The following ITGAV variants were observed in gnomAD, a reference collection of about 807,000 sequenced individuals.
The protein encoded by ITGAV is integrin subunit alpha V.
In ITGAV, 76 loss-of-function variants were observed where a neutral mutation model predicts 143.8. The ratio of observed to expected loss-of-function variants is 0.53; its 90% CI spans 0.44 to 0.64. The LOEUF is 0.64. Among genes scored for constraint, ITGAV ranks in the 30% least tolerant of loss-of-function variants. ITGAV has a pLI of 0.00. For missense variants in ITGAV, 1,193 were observed against 1,274.7 expected (o/e 0.94, Z 0.98); for synonymous variants, 453 against 446.7 (o/e 1.01, Z -0.18).
At chr2:186,645,733 C>T (rs1366728234) in intron 12 of ITGAV, among the ~76,000 whole-genome samples, 7 of 151,862 alleles carry the variant, frequency 4.6e-5, no homozygotes, top group Admixed American at 6.6e-5. Flanking sequence ...TTTGGGAGGC[C>T]GAGGTGTGTG....
chr2:186,614,928 TAG>T (rs1376701698), intron 2 of ITGAV, among the ~76,000 whole-genome samples: 3 of 152,070 alleles, frequency 2.0e-5, no homozygotes, highest in African/African-American at 2.4e-5. Context: ...ACTATATTTA[TAG>T]AGTTTTGTAA....
chr2:186,602,238 A>G (rs1686930482), intron 2 of ITGAV, 87 bp downstream of exon 2: 3 of 1,028,880 alleles, frequency 2.9e-6, no homozygotes, highest in South Asian at 1.7e-5. Flanking sequence ...GCCATTTAAT[A>G]CAATTATATA....
Position 186,677,317 on chromosome 2 carries a change from T to C in ITGAV, c.*25T>C. On this transcript the variant is annotated 3_prime_UTR_variant, in exon 30 of 30. Coordinates refer to ENST00000261023, the MANE Select transcript of ITGAV (RefSeq NM_002210.5). ...ACTGCAGTTTTTAAGTTATGCTACA[T>C]CTTGACCCACTAGAATTAGCAACTT... 6.5e-7 allele frequency: 1 copy of C among 1,549,594 alleles called. No individual in the cohort carries two copies. The highest frequency in any genetic ancestry group is 1.7e-5 in the Admixed American group (1 of 59,026).
chr2:186,602,614 C>G lies in ITGAV; in HGVS notation c.316+463C>G, dbSNP rs568903144. 2.0e-5 allele frequency among the ~76,000 whole-genome samples: 3 copies of G among 152,328 alleles called. No homozygotes were observed. In the East Asian group the frequency reaches 5.8e-4, roughly 29 times the overall value. ...GTTGAGGAGGCTGGGCATAGTGGCT[C>G]ACGCCTGTAATCCCAGCACTTTGGG... On this transcript the variant is annotated intron_variant, in intron 2 of 29. Transcript: ENST00000261023.
intron 2 of ITGAV, among the ~76,000 whole-genome samples, chr2:186,607,243 T>C (rs536948293): frequency 6.6e-6 from 1 of 152,310 alleles, no homozygotes; most frequent in South Asian, 2.1e-4. Flanking sequence ...CCTGTCCTCA[T>C]GTTTTTAATA....
chr2:186,593,293 G>A (rs1376019300), intron 1 of ITGAV, among the ~76,000 whole-genome samples: 1 of 152,056 alleles, frequency 6.6e-6, no homozygotes, highest in Admixed American at 6.6e-5. Flanking sequence ...ATAGTTCATA[G>A]TTTTGTTGTG....
intron 14 of ITGAV, among the ~76,000 whole-genome samples, chr2:186,651,649 C>A (rs61762247): frequency 0.015 from 2,330 of 152,134 alleles, 30 homozygotes; most frequent in Middle Eastern, 0.024. Context: ...ATTTTCTCCA[C>A]GGTAGTGCAG....
intron 15 of ITGAV, among the ~76,000 whole-genome samples, chr2:186,653,216 T>C (rs1174924868): frequency 6.6e-6 from 1 of 152,070 alleles, no homozygotes; most frequent in Non-Finnish European, 1.5e-5. Flanking sequence ...AAGTGCTCAT[T>C]ATAGATATTT....
intron 2 of ITGAV, 137 bp downstream of exon 2, chr2:186,602,288 CA>C: frequency 1.7e-6 from 1 of 602,212 alleles, no homozygotes; most frequent in Non-Finnish European, 2.7e-6. Flanking sequence ...TATATAAAGA[CA>C]AACGATTTAT....
intron 1 of ITGAV, among the ~76,000 whole-genome samples, chr2:186,592,939 A>C (rs1686654933): frequency 6.6e-6 from 1 of 152,140 alleles, no homozygotes; most frequent in African/African-American, 2.4e-5. Flanking sequence ...ATTTAACAAA[A>C]ATTTATGTAA....
At chr2:186,604,678 G>A (rs1262267450) in intron 2 of ITGAV, among the ~76,000 whole-genome samples, 1 of 152,120 alleles carries the variant, frequency 6.6e-6, no homozygotes, top group Non-Finnish European at 1.5e-5. Flanking sequence ...GGAGGAGATA[G>A]TATCTGTTAT....
At chr2:186,637,675 T>G (rs1347861177) in intron 8 of ITGAV, among the ~76,000 whole-genome samples, 1 of 152,190 alleles carries the variant, frequency 6.6e-6, no homozygotes, top group Admixed American at 6.5e-5. Context: ...TCCTTTCTGC[T>G]TCTTTTTAGC....
At chr2:186,616,161 A>G (rs1309193369) in intron 2 of ITGAV, among the ~76,000 whole-genome samples, 1 of 152,176 alleles carries the variant, frequency 6.6e-6, no homozygotes, top group African/African-American at 2.4e-5. Flanking sequence ...TACTACTAAA[A>G]ATACTAAAAG....
At chr2:186,602,854 G>A (rs1481864149) in intron 2 of ITGAV, among the ~76,000 whole-genome samples, 1 of 148,192 alleles carries the variant, frequency 6.7e-6, no homozygotes, top group Non-Finnish European at 1.5e-5. Flanking sequence ...TCTAGCCTGG[G>A]TGACAGAGGG....
intron 12 of ITGAV, among the ~76,000 whole-genome samples, chr2:186,645,313 T>A (rs565058270): frequency 6.6e-6 from 1 of 152,080 alleles, no homozygotes; most frequent in East Asian, 1.9e-4. Flanking sequence ...GATCTATCAT[T>A]TGGACAAATA....
In ITGAV at chr2:186,646,757, A is replaced by G. The variant is rs749248681; in HGVS notation, c.1231A>G (p.Thr411Ala). The G allele has an allele frequency of 1.9e-6, 3 of 1,612,218 alleles. No homozygotes were observed. Among genetic ancestry groups the G allele is most frequent in the Non-Finnish European group, 2.5e-6 (3 of 1,178,858 alleles). The change falls in exon 13 of 30, where the codon ACA becomes GCA. Residue 411 changes from threonine (T) to alanine (A), a missense_variant. Physicochemically the swap from Thr to Ala is moderately conservative, Grantham distance 58. Transcript: ENST00000261023. Reference sequence around the variant, plus strand: ...TGTTTATATCTTCAATGGAAGATCAACAGGCTTGAACGCAGTCCCATCTCA... The same window carrying G: ...TGTTTATATCTTCAATGGAAGATCAGCAGGCTTGAACGCAGTCCCATCTCA... ...GIVYIFNGRS[T>A]GLNAVPSQIL...
rs1046400967 is a variant in ITGAV, at chr2:186,680,447, G to A, written c.*3155G>A. ...TTGGGAGAGGTACTGAATCTTTGATGTTTTTTGTCATTGTTCTCAAGTGCA... is the reference window on the plus strand; with the variant it reads ...TTGGGAGAGGTACTGAATCTTTGATATTTTTTGTCATTGTTCTCAAGTGCA... On this transcript the variant is annotated 3_prime_UTR_variant, in exon 30 of 30. Transcript: ENST00000261023. 3 of 152,442 alleles carry A rather than the reference G, an allele frequency of 2.0e-5. No homozygotes were observed. Among genetic ancestry groups the A allele is most frequent in the African/African-American group, 7.2e-5 (3 of 41,418 alleles). 9.4% of individuals were successfully genotyped at this position (152,442 alleles called of 1,614,324 possible).
At chr2:186,596,561 G>A (rs559007401) in intron 1 of ITGAV, among the ~76,000 whole-genome samples, 2 of 151,570 alleles carry the variant, frequency 1.3e-5, no homozygotes, top group Non-Finnish European at 2.9e-5. Flanking sequence ...GCAATTTCTG[G>A]CTAACTTTTG....
In ITGAV at chr2:186,630,811, G is replaced by A; in HGVS notation, c.538G>A (p.Asp180Asn). 1 of 1,579,674 alleles carries A rather than the reference G, an allele frequency of 6.3e-7. No individual in the cohort carries two copies. Among genetic ancestry groups the A allele is most frequent in the Non-Finnish European group, 8.7e-7 (1 of 1,150,876 alleles). ...APCRSQDIDA[D>N]GQGFCQGGFS... ...TTTTATTTTAGAAGATATTGATGCT[G>A]ATGGACAGGGATTTTGTCAAGGAGG... is the stretch of plus-strand genomic sequence containing the variant. Residue 180 changes from aspartate to asparagine, a missense_variant, in exon 5 of 30, where the codon GAT (aspartate) becomes AAT (asparagine). Physicochemically the swap from Asp to Asn is conservative, Grantham distance 23. Transcript: ENST00000261023.
Sources: allele counts gnomAD v4.1 joint callset (sites outside exome capture counted in the v4.1 genomes callset), GRCh38; gene constraint gnomAD v4.1.1; transcripts MANE v1.5; gene names NCBI Gene and HGNC (gene_info 2026-07-23, HGNC 2026-07-21).